SYDE2: variants seen among roughly 807,000 people sequenced by gnomAD.
The protein encoded by SYDE2 is rho GTPase-activating protein SYDE2.
In SYDE2, 76 loss-of-function variants were observed where a neutral mutation model predicts 91.5. The ratio of observed to expected loss-of-function variants is 0.83; its 90% CI spans 0.69 to 1.01. The LOEUF is 1.01. Ranked by LOEUF, SYDE2 falls within the 50% of genes least tolerant of loss-of-function variation. The pLI is 0.00. For synonymous variants in SYDE2, 513 were observed against 506.4 expected, an observed-to-expected ratio of 1.01 and a Z score of -0.18; for missense variants, 1,364 against 1,367.7, an observed-to-expected ratio of 1.00 and a Z score of 0.04.
chr1:85,166,455 G>A (rs1014265201), intron 5 of SYDE2, among the ~76,000 whole-genome samples: 31 of 151,678 alleles, frequency 2.0e-4, no homozygotes, highest in African/African-American at 7.3e-4. Context: ...AGCCAAAAGC[G>A]ACAAATGGAT....
intron 6 of SYDE2, chr1:85,160,767 G>A: frequency 1.0e-6 from 1 of 985,292 alleles, no homozygotes; most frequent in Non-Finnish European, 1.2e-6. Context: ...TATCTGGTCT[G>A]ATCTAACCAT....
chr1:85,160,492 TA>T (rs768570365), intron 6 of SYDE2: 40 of 970,344 alleles, frequency 4.1e-5, no homozygotes, highest in Non-Finnish European at 4.5e-5. Context: ...TTCTAGAAAA[TA>T]AAAGCTATTT....
intron 4 of SYDE2, among the ~76,000 whole-genome samples, chr1:85,177,821 G>A (rs817439): frequency 6.6e-6 from 1 of 151,876 alleles, no homozygotes; most frequent in Non-Finnish European, 1.5e-5. Flanking sequence ...TAGTCAATAC[G>A]CTCTATATCA....
chr1:85,161,223 G>A, intron 6 of SYDE2: 1 of 483,770 alleles, frequency 2.1e-6, no homozygotes, highest in Non-Finnish European at 2.7e-6. Context: ...TCTACCAGTA[G>A]ATTTGTTTCT....
intron 5 of SYDE2, among the ~76,000 whole-genome samples, chr1:85,167,138 G>A (rs544746783): frequency 1.3e-5 from 2 of 151,214 alleles, no homozygotes; most frequent in South Asian, 2.1e-4. Flanking sequence ...GGCGTGAGCC[G>A]GGGAGGTTGA....
chr1:85,186,289 A>T (rs1167459696), intron 2 of SYDE2, among the ~76,000 whole-genome samples: 1 of 152,130 alleles, frequency 6.6e-6, no homozygotes, highest in Non-Finnish European at 1.5e-5. Context: ...TGGCTTTGGT[A>T]TCAGGATGAT....
chr1:85,177,995 T>C (rs969280705), intron 4 of SYDE2, 151 bp downstream of exon 4: 6 of 717,942 alleles, frequency 8.4e-6, no homozygotes, highest in Non-Finnish European at 1.1e-5. Flanking sequence ...TACCTTCCCA[T>C]AGAAAATAAC....
chr1:85,194,741 TTC>T, intron 1 of SYDE2: 2 of 836,358 alleles, frequency 2.4e-6, no homozygotes, highest in Non-Finnish European at 2.9e-6. Context: ...CCCAAGTCAA[TTC>T]TGTTTTCTCA....
At position 85,158,597 on chromosome 1, in the gene SYDE2, G is replaced by T. The variant is rs1656943288; in HGVS notation, c.*153C>A. Reference sequence around the variant, plus strand: ...TGAGATAAGTAAAAATTGTATTAATGAATAGTGTTTTTAATTGAATCAGAT... The same window carrying T: ...TGAGATAAGTAAAAATTGTATTAATTAATAGTGTTTTTAATTGAATCAGAT... On this transcript the variant is annotated 3_prime_UTR_variant, in exon 7 of 7. Coordinates refer to ENST00000341460, the MANE Select transcript of SYDE2 (RefSeq NM_032184.2). The T allele has an allele frequency of 3.8e-6, 2 of 532,564 alleles. No homozygotes were observed. Among genetic ancestry groups the T allele is most frequent in the Non-Finnish European group, 6.6e-6 (2 of 304,346 alleles). 33.0% of individuals were successfully genotyped at this position (532,564 alleles called of 1,614,324 possible). A position where few individuals can be genotyped will look rare whatever the true frequency, so the allele number is the denominator to read the frequency against.
At chr1:85,175,680 T>C (rs1267046354) in intron 4 of SYDE2, among the ~76,000 whole-genome samples, 1 of 152,188 alleles carries the variant, frequency 6.6e-6, no homozygotes, top group Non-Finnish European at 1.5e-5. Flanking sequence ...TACTGAACTA[T>C]TAATCATATT....
intron 4 of SYDE2, among the ~76,000 whole-genome samples, chr1:85,173,372 G>A (rs879544943): frequency 1.1e-4 from 16 of 152,138 alleles, no homozygotes; most frequent in Non-Finnish European, 2.9e-5. Flanking sequence ...GTATCAGGGG[G>A]AGCAGGGCCC....
At chr1:85,197,954 C>T (rs1378103938) in intron 1 of SYDE2, among the ~76,000 whole-genome samples, 1 of 152,094 alleles carries the variant, frequency 6.6e-6, no homozygotes, top group African/African-American at 2.4e-5. Context: ...GCGCCCGGCC[C>T]AGCAATTACT....
chr1:85,178,516 C>G (rs866615361), intron 3 of SYDE2, among the ~76,000 whole-genome samples: 1 of 152,096 alleles, frequency 6.6e-6, no homozygotes, highest in East Asian at 1.9e-4. Context: ...CTATCTTAAG[C>G]AAAACACAAT....
chr1:85,158,927 A>G lies in SYDE2; in HGVS notation c.3408T>C (p.Ile1136=). The part of the protein sequence containing the change: ...YSKMDGPEVM[I]EQPIPMSKEC... ...CTTTGGACATGGGAATTGGCTGTTC[A>G]ATCATTACTTCTGGCCCATCCATTT... Residue 1136 remains isoleucine (I), a synonymous_variant, in exon 7 of 7, where the codon ATT becomes ATC. Transcript: ENST00000341460. 1.3e-6 allele frequency: 1 copy of G among 780,656 alleles called. No individual in the cohort carries two copies. Among genetic ancestry groups the G allele is most frequent in the South Asian group, 1.3e-5 (1 of 74,526 alleles). 48.4% of individuals were successfully genotyped at this position (780,656 alleles called of 1,614,324 possible). A position where few individuals can be genotyped will look rare whatever the true frequency, so the allele number is the denominator to read the frequency against.
At chr1:85,186,438 C>T (rs992979657) in intron 2 of SYDE2, among the ~76,000 whole-genome samples, 55 of 152,054 alleles carry the variant, frequency 3.6e-4, no homozygotes, top group African/African-American at 1.3e-3. Context: ...GGCCATACTG[C>T]CCAAGGTAAT....
At chr1:85,167,847 C>T (rs1657348020) in intron 5 of SYDE2, among the ~76,000 whole-genome samples, 1 of 152,112 alleles carries the variant, frequency 6.6e-6, no homozygotes, top group South Asian at 2.1e-4. Flanking sequence ...GGCATGGTGG[C>T]TCACACCTGT....
At chr1:85,160,388 A>G in intron 6 of SYDE2, 1 of 877,572 alleles carries the variant, frequency 1.1e-6, no homozygotes, top group South Asian at 5.3e-5. Context: ...ATATTTGATA[A>G]CTGTACACAG....
At chr1:85,166,375 G>A (rs1402263380) in intron 5 of SYDE2, among the ~76,000 whole-genome samples, 2 of 151,336 alleles carry the variant, frequency 1.3e-5, no homozygotes, top group Non-Finnish European at 2.9e-5. Flanking sequence ...TGTAGAGACA[G>A]GGTCTTGCTA....
At chr1:85,176,185 C>A (rs1410460791) in intron 4 of SYDE2, among the ~76,000 whole-genome samples, 1 of 152,030 alleles carries the variant, frequency 6.6e-6, no homozygotes. Context: ...TATAAAACTT[C>A]TCTTTCATGG....
Sources: allele counts gnomAD v4.1 joint callset (sites outside exome capture counted in the v4.1 genomes callset), GRCh38; gene constraint gnomAD v4.1.1; transcripts MANE v1.5; gene names NCBI Gene and HGNC (gene_info 2026-07-23, HGNC 2026-07-21).